PATL1: variants seen among roughly 807,000 people sequenced by gnomAD.
PATL1 encodes PAT1 homolog 1, processing body mRNA decay factor.
In PATL1, 32 loss-of-function variants were observed where a neutral mutation model predicts 100.6. The ratio of observed to expected loss-of-function variants is 0.32; its 90% CI spans 0.24 to 0.43. The LOEUF (loss-of-function observed/expected upper bound fraction) is 0.43, where lower values mean the gene tolerates loss of function less well. Among genes scored for constraint, PATL1 ranks in the 20% least tolerant of loss-of-function variants. The probability of loss-of-function intolerance (pLI) is 1.00; values close to 1 mark genes in which losing one functional copy is unlikely to be tolerated. For missense variants in PATL1, 747 were observed against 949.9 expected (o/e 0.79, Z 2.81); for synonymous variants, 332 against 330.0 (o/e 1.01, Z -0.07).
intron 2 of PATL1, among the ~76,000 whole-genome samples, chr11:59,659,999 CAT>C (rs1385388196): frequency 8.5e-5 from 13 of 152,160 alleles, no homozygotes; most frequent in Non-Finnish European, 1.6e-4. Flanking sequence ...AAAATTCAAA[CAT>C]GTGAATTAAT....
rs1861235383 is a variant in PATL1 at position 59,639,106 on chromosome 11, A to G, written c.2233T>C (p.Ser745Pro). 6.2e-7 allele frequency: 1 copy of G among 1,613,828 alleles called. No homozygotes were observed. Among genetic ancestry groups the G allele is most frequent in the Non-Finnish European group, 8.5e-7 (1 of 1,179,890 alleles). ...KPISIPTNLV[S>P]LFSRYVDRQK... ...CGGTCAACATAGCGAGAAAAGAGGGACACTAGGTTTGTAGGTATAGAGATT... is the reference window on the plus strand; with the variant it reads ...CGGTCAACATAGCGAGAAAAGAGGGGCACTAGGTTTGTAGGTATAGAGATT... Residue 745 changes from serine to proline, a missense_variant, in exon 18 of 19, where the codon TCC becomes CCC. This residue lies in a region of PATL1 where 434 missense variants were observed against 596.1 expected (regional missense o/e 0.73). Transcript: ENST00000300146.
At chr11:59,662,771 A>G (rs895894885) in intron 2 of PATL1, among the ~76,000 whole-genome samples, 1 of 152,170 alleles carries the variant, frequency 6.6e-6, no homozygotes, top group African/African-American at 2.4e-5. Context: ...TAGAGTTCTA[A>G]TTTGCATGCT....
chr11:59,649,655 C>T (rs539165064), intron 13 of PATL1, 45 bp from the exon 14 acceptor site: 13 of 1,580,236 alleles, frequency 8.2e-6, no homozygotes, highest in African/African-American at 8.1e-5. Context: ...TAGGTCAGAA[C>T]CACAGTATTA....
chr11:59,645,654 G>A (rs1348212936), intron 15 of PATL1, among the ~76,000 whole-genome samples: 1 of 151,886 alleles, frequency 6.6e-6, no homozygotes, highest in Admixed American at 6.6e-5. Flanking sequence ...GTCTCCAAAG[G>A]TGATCAATAT....
chr11:59,658,817 A>G, intron 4 of PATL1, 49 bp downstream of exon 4: 2 of 1,436,078 alleles, frequency 1.4e-6, no homozygotes, highest in South Asian at 1.3e-5. Flanking sequence ...ACAGGAACTT[A>G]AAATTTTTGG....
At chr11:59,664,985 G>A (rs1266347750) in intron 2 of PATL1, among the ~76,000 whole-genome samples, 1 of 152,186 alleles carries the variant, frequency 6.6e-6, no homozygotes, top group African/African-American at 2.4e-5. Flanking sequence ...TCTCCATGGA[G>A]AGAGATAATA....
intron 4 of PATL1, 108 bp from the exon 5 acceptor site, chr11:59,657,832 T>C (rs556448800): frequency 1.1e-6 from 1 of 879,178 alleles, no homozygotes; most frequent in African/African-American, 1.7e-5. Context: ...ACTTTTTATT[T>C]ATTTTTAATT....
intron 16 of PATL1, among the ~76,000 whole-genome samples, chr11:59,641,932 T>C (rs984872316): frequency 1.3e-5 from 2 of 152,186 alleles, no homozygotes; most frequent in South Asian, 2.1e-4. Flanking sequence ...TTTGGTAGGT[T>C]TTCTGGTGCA....
At position 59,650,824 on chromosome 11, in the gene PATL1, G is replaced by C. The variant is rs1175384944; in HGVS notation, c.1525-11C>G. ...TTTTTCTTTTGTCTCCTAAAAAAGA[G>C]AAGACTATTCAATGCAAATTCTTTA... On this transcript the variant is annotated splice_polypyrimidine_tract_variant and intron_variant, in intron 12 of 18. Coordinates refer to ENST00000300146, the MANE Select transcript of PATL1 (RefSeq NM_152716.3). 2 of 1,537,686 alleles carry C rather than the reference G, an allele frequency of 1.3e-6. No individual in the cohort carries two copies. Among genetic ancestry groups the C allele is most frequent in the African/African-American group, 1.4e-5 (1 of 73,252 alleles).
rs758551974 is a variant in PATL1 at position 59,649,525 on chromosome 11, T to C, written c.1670A>G (p.Asp557Gly). 14 of 1,613,938 alleles carry C rather than the reference T, an allele frequency of 8.7e-6. No homozygotes were observed. Among genetic ancestry groups the C allele is most frequent in the Middle Eastern group, 1.6e-4 (1 of 6,062 alleles). Residue 557 changes from aspartate to glycine, a missense_variant, in exon 14 of 19, where the codon GAC becomes GGC. Asp to Gly is a moderately conservative substitution (Grantham distance 94, BLOSUM62 -1). Transcript: ENST00000300146. ...CATGCTACAAATTTTGTGCTTTCTG[T>C]CATCCATTAGGGCAGGTCGCTCTTC... ...LEEERPALMD[D>G]RKHKICSMYD...
chr11:59,652,349 A>C (rs1187090461), intron 11 of PATL1, 115 bp downstream of exon 11: 1 of 1,398,772 alleles, frequency 7.1e-7, no homozygotes, highest in Non-Finnish European at 9.5e-7. Flanking sequence ...TACTTTTAAA[A>C]TCACTTTGAA....
intron 1 of PATL1, among the ~76,000 whole-genome samples, chr11:59,667,492 T>C (rs918892809): frequency 5.3e-5 from 8 of 152,326 alleles, no homozygotes; most frequent in African/African-American, 1.9e-4. Flanking sequence ...GAAAATTAGG[T>C]CTTCAACCAC....
rs893117931 is a variant in PATL1, at chr11:59,637,607, C to A, written c.*783G>T. 1.3e-5 allele frequency: 2 copies of A among 152,466 alleles called. No homozygotes were observed. Among genetic ancestry groups the A allele is most frequent in the African/African-American group, 4.8e-5 (2 of 41,414 alleles). The allele number at this position is 152,466 out of a possible 1,614,324, so 9.4% of individuals were successfully genotyped here. Reference sequence around the variant, plus strand: ...TAGTTGTAGCAGGAAAAAGACATAACCATGTGTTGTTTCGATTAAGGTGGA... The same window carrying A: ...TAGTTGTAGCAGGAAAAAGACATAAACATGTGTTGTTTCGATTAAGGTGGA... On this transcript the variant is annotated 3_prime_UTR_variant, in exon 19 of 19. Transcript: ENST00000300146.
At chr11:59,659,537 GTTTT>G in intron 2 of PATL1, 68 bp from the exon 3 acceptor site, 3 of 1,129,528 alleles carry the variant, frequency 2.7e-6, no homozygotes, top group African/African-American at 1.6e-5. Flanking sequence ...CACAATTATT[GTTTT>G]TTTTTTTTTA....
At chr11:59,653,421 G>C (rs1030125622) in intron 9 of PATL1, among the ~76,000 whole-genome samples, 1 of 152,152 alleles carries the variant, frequency 6.6e-6, no homozygotes, top group Non-Finnish European at 1.5e-5. Flanking sequence ...TAGCTCTGAA[G>C]TCTACATAAA....
intron 13 of PATL1, among the ~76,000 whole-genome samples, chr11:59,650,127 GAAAAAAAAAA>G (rs755879524): frequency 1.6e-5 from 1 of 61,636 alleles, no homozygotes; most frequent in African/African-American, 6.2e-5. Context: ...ATCTCAAAAG[GAAAAAAAAAA>G]AAAAAAAAAA....
Position 59,652,520 on chromosome 11 carries a change from T to C in PATL1, c.1370A>G (p.Glu457Gly). 1 of 1,613,912 alleles carries C rather than the reference T, an allele frequency of 6.2e-7. No homozygotes were observed. The highest frequency in any genetic ancestry group is 8.5e-7 in the Non-Finnish European group (1 of 1,179,850). ...EEIQGDGPKK[E>G]RTKLITPQVA... is the part of the protein sequence containing the mutation. ...CTGAGGGGTGATAAGCTTGGTGCGC[T>C]CCTTCTTAGGGCCATCACCTTGTAT... is the stretch of plus-strand genomic sequence containing the variant. Residue 457 changes from glutamate to glycine, a missense_variant, in exon 11 of 19, where the codon GAG becomes GGG. By Grantham distance (98) the Glu-to-Gly change is moderately conservative (BLOSUM62 -2). Coordinates refer to ENST00000300146, the MANE Select transcript of PATL1 (RefSeq NM_152716.3).
intron 15 of PATL1, among the ~76,000 whole-genome samples, chr11:59,644,046 T>G (rs1335320961): frequency 4.6e-5 from 7 of 152,204 alleles, no homozygotes; most frequent in Non-Finnish European, 7.3e-5. Flanking sequence ...AAATGGCAAC[T>G]GCAAATGGGG....
At position 59,655,681 on chromosome 11, in the gene PATL1, A is replaced by G. The variant is rs1412697731; in HGVS notation, c.873T>C (p.Ser291=). Residue 291 remains serine, a synonymous_variant, in exon 8 of 19, where the codon AGT becomes AGC. Coordinates refer to ENST00000300146, the MANE Select transcript of PATL1 (RefSeq NM_152716.3). ...ACTTGGGATTCATGGCAGCAAGTGG[A>G]CTACCAACAAATCCAGGGACCCGTG... ...QFARVPGFVG[S]PLAAMNPKLL... The G allele has an allele frequency of 6.2e-7, 1 of 1,605,464 alleles. No individual in the cohort carries two copies. The highest frequency in any genetic ancestry group is 8.5e-7 in the Non-Finnish European group (1 of 1,175,928).
Sources: allele counts gnomAD v4.1 joint callset (sites outside exome capture counted in the v4.1 genomes callset), GRCh38; gene constraint gnomAD v4.1.1; regional missense constraint gnomAD v4.1.1; transcripts MANE v1.5; gene names NCBI Gene and HGNC (gene_info 2026-07-23, HGNC 2026-07-21).